The following GABRB2 variants were observed in gnomAD, a reference collection of about 807,000 sequenced individuals.
GABRB2 encodes gamma-aminobutyric acid receptor subunit beta-2.
In GABRB2, 16 loss-of-function variants were observed where a neutral mutation model predicts 54.7. The observed-to-expected ratio is 0.29, with a 90% CI of 0.20 to 0.44. GABRB2 has a LOEUF of 0.44. Among genes scored for constraint, GABRB2 ranks in the 20% least tolerant of loss-of-function variants. The probability of loss-of-function intolerance (pLI) is 1.00; values close to 1 mark genes in which losing one functional copy is unlikely to be tolerated. For synonymous variants in GABRB2, 244 were observed against 233.8 expected (o/e 1.04, Z -0.40); for missense variants, 355 against 644.0 (o/e 0.55, Z 4.86).
chr5:161,443,538 T>A (rs767602087), intron 4 of GABRB2, among the ~76,000 whole-genome samples: 1 of 152,200 alleles, frequency 6.6e-6, no homozygotes, highest in South Asian at 2.1e-4. Flanking sequence ...TTCAGCTCCA[T>A]AAGTCAGTCC....
At chr5:161,515,355 T>C (rs926503222) in intron 3 of GABRB2, among the ~76,000 whole-genome samples, 6 of 152,132 alleles carry the variant, frequency 3.9e-5, no homozygotes, top group African/African-American at 1.4e-4. Context: ...AATATGTTCT[T>C]TTCTATTCGG....
upstream of GABRB2, chr5:161,546,804 A>T: frequency 1.8e-5 from 11 of 614,926 alleles, no homozygotes; most frequent in Non-Finnish European, 2.1e-5. Context: ...TCCTTGTTTA[A>T]AAAAAAAAAA....
intron 3 of GABRB2, among the ~76,000 whole-genome samples, chr5:161,540,401 C>T (rs1430224489): frequency 6.6e-6 from 1 of 152,226 alleles, no homozygotes; most frequent in Non-Finnish European, 1.5e-5. Context: ...AGTTCTCTTG[C>T]TATTTCCACC....
rs566111868 is a variant in GABRB2 at position 161,470,668 on chromosome 5, G to A, written c.238-10824C>T. ...GTTCACTTTCTAGGTGGGACAGAGC[G>A]GGATGGCGAGAGATTTCATCACACT... is the stretch of plus-strand genomic sequence containing the variant. On this transcript the variant is annotated intron_variant, in intron 3 of 9. Transcript: ENST00000393959. Among the ~76,000 whole-genome samples the A allele has an allele frequency of 1.4e-4, 22 of 151,858 alleles. 1 individual carries two copies. The highest frequency in any genetic ancestry group is 2.1e-4 in the Non-Finnish European group (14 of 67,910).
At chr5:161,546,828 GA>G, upstream of GABRB2, 5 of 1,285,880 alleles carry the variant, frequency 3.9e-6, no homozygotes, top group Non-Finnish European at 5.2e-6. Context: ...AATTAAAAGG[GA>G]AAAAGGAAAA....
Position 161,546,471 on chromosome 5 carries a change from A to T in GABRB2, c.78-58T>A, listed in dbSNP as rs890609788. 23 of 1,578,972 alleles carry T rather than the reference A, an allele frequency of 1.5e-5. No individual in the cohort carries two copies. The South Asian group carries it at 2.4e-4, about 17-fold the overall frequency. ...ATAAGGAAGCAGGCATAGCGTTTTCAGCATCGGATCCCTACTACATTTCCC... is the reference window on the plus strand; with the variant it reads ...ATAAGGAAGCAGGCATAGCGTTTTCTGCATCGGATCCCTACTACATTTCCC... On this transcript the variant is annotated intron_variant, in intron 1 of 9. Transcript: ENST00000393959.
At chr5:161,470,510 C>T (rs1012396278) in intron 3 of GABRB2, among the ~76,000 whole-genome samples, 1 of 151,944 alleles carries the variant, frequency 6.6e-6, no homozygotes, top group Non-Finnish European at 1.5e-5. Flanking sequence ...GTATGGCTAT[C>T]ATTAAGTAAA....
intron 4 of GABRB2, among the ~76,000 whole-genome samples, chr5:161,419,595 T>C (rs1003092130): frequency 5.3e-5 from 8 of 152,228 alleles, no homozygotes; most frequent in African/African-American, 1.9e-4. Context: ...AAGGAAAATG[T>C]GGTATATATA....
At chr5:161,469,508 C>T (rs1217176748) in intron 3 of GABRB2, among the ~76,000 whole-genome samples, 1 of 64,762 alleles carries the variant, frequency 1.5e-5, no homozygotes, top group African/African-American at 3.6e-5. Flanking sequence ...CTCTTAAAAA[C>T]CAAAAAAAAC....
At chr5:161,424,308 AGAG>A (rs936644373) in intron 4 of GABRB2, among the ~76,000 whole-genome samples, 6 of 152,182 alleles carry the variant, frequency 3.9e-5, no homozygotes, top group African/African-American at 1.2e-4. Context: ...TCATAGCTAG[AGAG>A]GAGAAGTCAA....
rs1286319086 is a variant in GABRB2, at chr5:161,431,446, T to C, written c.459-20389A>G. ...TGCTTTAAAGACATGTATGCATGTATGATGATGTTTTCTATTAAAAGTATA... is the reference window on the plus strand; with the variant it reads ...TGCTTTAAAGACATGTATGCATGTACGATGATGTTTTCTATTAAAAGTATA... On this transcript the variant is annotated intron_variant, in intron 4 of 9. Coordinates refer to ENST00000393959, the MANE Select transcript of GABRB2 (RefSeq NM_001371727.1). Among the ~76,000 whole-genome samples, 3 of 152,166 alleles carry C rather than the reference T, an allele frequency of 2.0e-5. No homozygotes were observed. The East Asian group carries it at 5.8e-4, about 29-fold the overall frequency.
intron 8 of GABRB2, among the ~76,000 whole-genome samples, chr5:161,328,662 A>G (rs1395119601): frequency 3.3e-5 from 5 of 152,170 alleles, no homozygotes; most frequent in Non-Finnish European, 5.9e-5. Context: ...CAACTTTGCT[A>G]AAGAATATTT....
intron 9 of GABRB2, among the ~76,000 whole-genome samples, chr5:161,324,036 T>A (rs1758293593): frequency 6.6e-6 from 1 of 152,154 alleles, no homozygotes; most frequent in African/African-American, 2.4e-5. Flanking sequence ...TTAGAAACAA[T>A]GCAAACATCA....
chr5:161,387,819 C>A (rs547546658), intron 5 of GABRB2, among the ~76,000 whole-genome samples: 1 of 152,026 alleles, frequency 6.6e-6, no homozygotes, highest in Non-Finnish European at 1.5e-5. Flanking sequence ...TAGACTAGCA[C>A]GTCTAGAAAT....
intron 9 of GABRB2, among the ~76,000 whole-genome samples, chr5:161,307,091 T>C (rs1166712717): frequency 6.6e-6 from 1 of 152,222 alleles, no homozygotes; most frequent in African/African-American, 2.4e-5. Context: ...TAATATTTGC[T>C]GCATCATATA....
intron 3 of GABRB2, among the ~76,000 whole-genome samples, chr5:161,514,549 C>T (rs1358203225): frequency 6.6e-6 from 1 of 151,832 alleles, no homozygotes; most frequent in East Asian, 1.9e-4. Flanking sequence ...AAGAGATTTG[C>T]CTTTTCTCTA....
chr5:161,315,876 A>G (rs1005823067), intron 9 of GABRB2, among the ~76,000 whole-genome samples: 1 of 152,194 alleles, frequency 6.6e-6, no homozygotes, highest in Admixed American at 6.5e-5. Context: ...CATCCGAAGC[A>G]CATTAAATTG....
chr5:161,429,357 A>AAAAAAAAAAAAAAT (rs1402875797), intron 4 of GABRB2, among the ~76,000 whole-genome samples: 3 of 108,248 alleles, frequency 2.8e-5, no homozygotes, highest in African/African-American at 9.9e-5. Context: ...AAAAAAAAAA[A>AAAAAAAAAAAAAAT]AGAAAAAGAA....
At chr5:161,408,608 T>G (rs1756413796) in intron 5 of GABRB2, among the ~76,000 whole-genome samples, 1 of 152,070 alleles carries the variant, frequency 6.6e-6, no homozygotes, top group African/African-American at 2.4e-5. Flanking sequence ...ATGTATTGAT[T>G]GTCGATATGC....
Sources: allele counts gnomAD v4.1 joint callset (sites outside exome capture counted in the v4.1 genomes callset), GRCh38; gene constraint gnomAD v4.1.1; transcripts MANE v1.5; gene names NCBI Gene and HGNC (gene_info 2026-07-23, HGNC 2026-07-21).